The following SPTBN5 variants were observed in gnomAD, a reference collection of about 807,000 sequenced individuals.
SPTBN5 encodes spectrin beta chain, non-erythrocytic 5.
Under a neutral mutation model 477.6 loss-of-function variants are expected in SPTBN5, and 513 were observed. The ratio of observed to expected loss-of-function variants is 1.07; its 90% CI spans 1.00 to 1.16. SPTBN5 has a LOEUF of 1.16. SPTBN5 is among the 50% of genes most tolerant of loss of function. The pLI is 0.00. For missense variants in SPTBN5, 5,062 were observed against 4,731.8 expected (o/e 1.07, Z -2.05); for synonymous variants, 2,169 against 2,011.7 (o/e 1.08, Z -2.09).
chr15:41,849,648 C>T (rs544827659), intron 67 of SPTBN5, among the ~76,000 whole-genome samples: 1 of 152,260 alleles, frequency 6.6e-6, no homozygotes, highest in South Asian at 2.1e-4. Flanking sequence ...TGGAGTGAGC[C>T]CTGGGAGGGG....
chr15:41,858,985 CAGG>C lies in SPTBN5; in HGVS notation c.7989-8_7989-6del. The C allele has an allele frequency of 1.3e-6, 2 of 1,540,240 alleles. No homozygotes were observed. Among genetic ancestry groups the C allele is most frequent in the African/African-American group, 1.4e-5 (1 of 73,086 alleles). On this transcript the variant is annotated splice_region_variant and splice_polypyrimidine_tract_variant and intron_variant, in intron 47 of 67. Coordinates refer to ENST00000320955, the MANE Select transcript of SPTBN5 (RefSeq NM_016642.4). ...TGCCTGAAGAGCGCCTCCTTCCTGC[CAGG>C]AGGAGAGGCTCATGGGCCTGGAGCC...
At chr15:41,874,091 G>A (rs754096776) in intron 24 of SPTBN5, 46 bp from the exon 25 acceptor site, 70 of 1,545,492 alleles carry the variant, frequency 4.5e-5, no homozygotes, top group Non-Finnish European at 5.5e-5. Context: ...ACCCAGGGGC[G>A]TCCGGAGCAG....
intron 5 of SPTBN5, among the ~76,000 whole-genome samples, 176 bp downstream of exon 5, chr15:41,887,752 A>G (rs1242926186): frequency 6.6e-6 from 1 of 152,196 alleles, no homozygotes; most frequent in Non-Finnish European, 1.5e-5. Flanking sequence ...AACTTGGCCA[A>G]TCTCATGGCA....
rs1450821907 is a variant in SPTBN5 at position 41,876,944 on chromosome 15, TC to T, written c.3715del (p.Asp1239ThrfsTer2). ...AWLHLDNLGE[D>X]VREALSLLQQ... Reference sequence around the variant, plus strand: ...CAGCAGGCTCAGGGCCTCCCTCACGTCCTCCTGGGAGTGCAGAGACCTGAGG... The same window carrying T: ...CAGCAGGCTCAGGGCCTCCCTCACGTCTCCTGGGAGTGCAGAGACCTGAGG... On this transcript the variant is annotated frameshift_variant, in exon 19 of 68. Transcript: ENST00000320955. LOFTEE classifies it high-confidence loss of function. 4 of 1,606,258 alleles carry T rather than the reference TC, an allele frequency of 2.5e-6. No individual in the cohort carries two copies. Among genetic ancestry groups the T allele is most frequent in the African/African-American group, 2.7e-5 (2 of 74,692 alleles).
intron 23 of SPTBN5, 28 bp from the exon 24 acceptor site, chr15:41,874,506 G>C (rs2066654520): frequency 1.3e-6 from 2 of 1,558,716 alleles, no homozygotes; most frequent in African/African-American, 1.4e-5. Flanking sequence ...AGATTGGAGA[G>C]GTTGGGAACA....
chr15:41,872,491 G>A (rs1384913467), intron 26 of SPTBN5, 32 bp from the exon 27 acceptor site: 1 of 1,537,606 alleles, frequency 6.5e-7, no homozygotes, highest in East Asian at 2.5e-5. Context: ...GCCAGGCTCA[G>A]CCTGGGTGAC....
Position 41,852,903 on chromosome 15 carries a change from T to C in SPTBN5, c.10268A>G (p.Gln3423Arg), listed in dbSNP as rs1253285171. ...CTGCTCCAGCCTCTGCCGAAGCTTCTGCAGGCCCCAGCTCTCGGCACAGCG... is the reference window on the plus strand; with the variant it reads ...CTGCTCCAGCCTCTGCCGAAGCTTCCGCAGGCCCCAGCTCTCGGCACAGCG... ...WQRCAESWGL[Q>R]KLRQRLEQAE... The change falls in exon 60 of 68, where the codon CAG becomes CGG. Residue 3423 changes from glutamine (Q) to arginine (R), a missense_variant. Gln to Arg is a conservative substitution (Grantham distance 43). Transcript: ENST00000320955. 1.2e-6 allele frequency: 2 copies of C among 1,607,124 alleles called. No homozygotes were observed. The highest frequency in any genetic ancestry group is 3.4e-5 in the Admixed American group (2 of 59,138).
rs781380158 is a variant in SPTBN5, at chr15:41,872,342, G to A, written c.5125C>T (p.Arg1709Trp). 47 of 1,611,074 alleles carry A rather than the reference G, an allele frequency of 2.9e-5. No individual in the cohort carries two copies. The highest frequency in any genetic ancestry group is 2.0e-4 in the Middle Eastern group (1 of 4,988). The change falls in exon 27 of 68, where the codon CGG (arginine) becomes TGG (tryptophan). Residue 1709 changes from arginine to tryptophan, a missense_variant. By Grantham distance (101) the Arg-to-Trp change is moderately radical. Transcript: ENST00000320955. ...TCCTGCAGTGCCCGCAGCTGCTCCC[G>A]GAGCCTCTCCTGCACCACACGCTGC... ...EQQRVVQERL[R>W]EQLRALQELA...
At chr15:41,893,240 C>T (rs1226550231) in intron 2 of SPTBN5, 42 bp downstream of exon 2, 10 of 1,611,878 alleles carry the variant, frequency 6.2e-6, no homozygotes, top group Non-Finnish European at 7.6e-6. Flanking sequence ...GAGCTGGGGG[C>T]CTGGTATGGG....
chr15:41,853,236 G>A, intron 59 of SPTBN5, 22 bp downstream of exon 59: 1 of 1,566,566 alleles, frequency 6.4e-7, no homozygotes, highest in Non-Finnish European at 8.7e-7. Context: ...CCCAACCCCA[G>A]GCCCACCCTC....
chr15:41,852,777 GGGGC>G, intron 60 of SPTBN5, 42 bp from the exon 61 acceptor site: 1 of 1,610,646 alleles, frequency 6.2e-7, no homozygotes, highest in Non-Finnish European at 8.5e-7. Context: ...CTTGGGGGGG[GGGGC>G]CCAGAGCCTG....
chr15:41,874,870 G>C lies in SPTBN5; in HGVS notation c.4474C>G (p.Leu1492Val). 1 of 1,611,100 alleles carries C rather than the reference G, an allele frequency of 6.2e-7. No individual in the cohort carries two copies. ...AHGMAASPAI[L>V]EETQKHLRRL... is the part of the protein sequence containing the mutation. ...CGGAGGTGCTTCTGGGTCTCTTCCA[G>C]GATGGCCGGGGAGGCGGCCATGCCA... Residue 1492 changes from leucine to valine, a missense_variant, in exon 23 of 68, where the codon CTG becomes GTG. By Grantham distance (32) the Leu-to-Val change is conservative. Transcript: ENST00000320955.
At chr15:41,862,712 C>A (rs2066156234) in intron 42 of SPTBN5, 52 bp from the exon 43 acceptor site, 1 of 1,539,988 alleles carries the variant, frequency 6.5e-7, no homozygotes, top group Non-Finnish European at 8.7e-7. Context: ...CTGGGCCACC[C>A]AAGCCCCTCC....
rs551911334 is a variant in SPTBN5, at chr15:41,851,487, G to C, written c.10657-118C>G. The C allele has an allele frequency of 8.2e-6, 6 of 729,622 alleles. No individual in the cohort carries two copies. The African/African-American group carries it at 8.9e-5, about 11-fold the overall frequency. 45.2% of individuals were successfully genotyped at this position (729,622 alleles called of 1,614,324 possible). On this transcript the variant is annotated intron_variant, in intron 63 of 67. Transcript: ENST00000320955. ...AGGAAAAGCGGTGGATTGGACCAAA[G>C]TCCCAATGGGGAAAGGGAAGCCACA...
At chr15:41,856,821 G>A (rs1370636749) in intron 52 of SPTBN5, 32 bp downstream of exon 52, 3 of 1,525,440 alleles carry the variant, frequency 2.0e-6, no homozygotes, top group African/African-American at 1.4e-5. Flanking sequence ...CTGCTCATGT[G>A]CGAGGCCAGC....
Position 41,876,651 on chromosome 15 carries a change from G to A in SPTBN5, c.3852-4C>T, listed in dbSNP as rs1454563193. On this transcript the variant is annotated splice_polypyrimidine_tract_variant and splice_region_variant and intron_variant, in intron 19 of 67. Coordinates refer to ENST00000320955, the MANE Select transcript of SPTBN5 (RefSeq NM_016642.4). ...ACTCTGCAGCTGCTCTCTGACCCTG[G>A]AGGGCGGGGGGGGGTTGGAGGAGGG... 6 of 1,494,078 alleles carry A rather than the reference G, an allele frequency of 4.0e-6. No homozygotes were observed. The highest frequency in any genetic ancestry group is 1.8e-6 in the Non-Finnish European group (2 of 1,095,742). 92.6% of individuals were successfully genotyped at this position (1,494,078 alleles called of 1,614,324 possible).
Position 41,883,302 on chromosome 15 carries a change from C to T in SPTBN5, c.1659+46G>A, listed in dbSNP as rs1279867016. On this transcript the variant is annotated intron_variant, in intron 8 of 67. Transcript: ENST00000320955. ...TCTGAGCACTGGCACTGGGGAAGTC[C>T]CCCACCTTGCTGTGTTTCCCAAGGG... The T allele has an allele frequency of 8.7e-6, 14 of 1,608,084 alleles. No homozygotes were observed. In the South Asian group the frequency reaches 1.5e-4, roughly 18 times the overall value.
At chr15:41,858,221 C>T (rs1455153067) in intron 49 of SPTBN5, among the ~76,000 whole-genome samples, 2 of 152,148 alleles carry the variant, frequency 1.3e-5, no homozygotes, top group African/African-American at 4.8e-5. Context: ...TCACTTGAGC[C>T]TGGGAGGCGG....
chr15:41,850,882 G>A lies in SPTBN5; in HGVS notation c.10893C>T (p.Ser3631=). The change falls in exon 66 of 68, where the codon AGC becomes AGT. Residue 3631 remains serine, a synonymous_variant. Transcript: ENST00000320955. ...CAGTGCTGCCCAGGGCTCGCCACCA[G>A]CTCTCAGCCTGCTCTTCGGACGGTG... The part of the protein sequence containing the change: ...FAAPSEEQAE[S]WWRALGSTAA... 1 of 1,603,410 alleles carries A rather than the reference G, an allele frequency of 6.2e-7. No individual in the cohort carries two copies. Among genetic ancestry groups the A allele is most frequent in the South Asian group, 1.1e-5 (1 of 88,744 alleles).
Sources: gnomAD v4.1 joint callset for allele counts (sites outside exome capture counted in the v4.1 genomes callset) on GRCh38, gnomAD v4.1.1 for gene constraint, MANE v1.5 for transcripts, NCBI Gene and HGNC (gene_info 2026-07-23, HGNC 2026-07-21) for gene names.